ADAMTSL1: variants seen among roughly 807,000 people sequenced by gnomAD.
The protein encoded by ADAMTSL1 is ADAMTS like 1, also known as ADAMTS-like protein 1.
ADAMTSL1 carries 126 observed loss-of-function variants against 201.8 expected under a neutral mutation model. That is an observed-to-expected ratio of 0.62 (90% CI 0.54 to 0.72). The LOEUF (loss-of-function observed/expected upper bound fraction) is 0.72, where lower values mean the gene tolerates loss of function less well. ADAMTSL1 is among the 30% of genes least tolerant of loss of function. ADAMTSL1 has a pLI of 0.00. For synonymous variants in ADAMTSL1, 1,121 were observed against 903.4 expected (o/e 1.24, Z -4.32); for missense variants, 2,679 against 2,277.8 (o/e 1.18, Z -3.59).
chr9:18,870,401 C>A (rs1026431775), intron 23 of ADAMTSL1, among the ~76,000 whole-genome samples: 1 of 152,164 alleles, frequency 6.6e-6, no homozygotes, highest in African/African-American at 2.4e-5. Flanking sequence ...CAAACTCTAG[C>A]CTCTATCTTC....
intron 7 of ADAMTSL1, among the ~76,000 whole-genome samples, chr9:18,641,732 G>A (rs978873721): frequency 3.3e-4 from 50 of 151,952 alleles, no homozygotes; most frequent in African/African-American, 9.4e-4. Context: ...CTAGTACTTC[G>A]TAATGAAACA....
chr9:18,428,376 T>C (rs934079075), intron 2 of ADAMTSL1, among the ~76,000 whole-genome samples: 7 of 150,704 alleles, frequency 4.6e-5, no homozygotes, highest in Non-Finnish European at 1.0e-4. Flanking sequence ...GGTGGGAGGA[T>C]TGCTTGAGGC....
At chr9:18,333,105 G>T (rs2132920190) in intron 2 of ADAMTSL1, among the ~76,000 whole-genome samples, 1 of 152,248 alleles carries the variant, frequency 6.6e-6, no homozygotes, top group East Asian at 1.9e-4. Flanking sequence ...AAAGGATTTG[G>T]TGATCAAGGT....
intron 4 of ADAMTSL1, among the ~76,000 whole-genome samples, chr9:18,617,241 A>G (rs1328522698): frequency 1.3e-5 from 2 of 152,202 alleles, no homozygotes; most frequent in Admixed American, 6.5e-5. Flanking sequence ...CTTATGGATT[A>G]TGTTTATTTA....
At chr9:18,823,681 T>C (rs1205191648) in intron 21 of ADAMTSL1, among the ~76,000 whole-genome samples, 1 of 151,998 alleles carries the variant, frequency 6.6e-6, no homozygotes, top group Non-Finnish European at 1.5e-5. Flanking sequence ...GGAAAGAGGA[T>C]GAATAATGGT....
Position 18,771,705 on chromosome 9 carries a change from C to CTTTTTTT in ADAMTSL1, c.2397+946_2397+952dup, listed in dbSNP as rs374268861. Reference sequence around the variant, plus strand: ...GAATTTGCCTTCCTAACCCCAGTGCCTTTTTTTTTTTTTTTTTTTTTTTTT... The same window carrying CTTTTTTT: ...GAATTTGCCTTCCTAACCCCAGTGCCTTTTTTTTTTTTTTTTTTTTTTTTTTTTTTTT... On this transcript the variant is annotated intron_variant, in intron 17 of 28. Transcript: ENST00000380548. Among the ~76,000 whole-genome samples, 23 of 91,758 alleles carry CTTTTTTT rather than the reference C, an allele frequency of 2.5e-4. 4 individuals carry two copies. Among genetic ancestry groups the CTTTTTTT allele is most frequent in the Admixed American group, 4.4e-4 (3 of 6,836 alleles). The allele number at this position is 91,758 out of a possible 152,430, so 60.2% of individuals were successfully genotyped here. A position where few individuals can be genotyped will look rare whatever the true frequency, so the allele number is the denominator to read the frequency against.
intron 2 of ADAMTSL1, among the ~76,000 whole-genome samples, chr9:18,375,654 C>G (rs1268074624): frequency 6.6e-6 from 1 of 152,302 alleles, no homozygotes. Flanking sequence ...AGTGTTACAG[C>G]TCATAAAGGT....
chr9:18,362,866 A>T (rs1415439507), intron 2 of ADAMTSL1, among the ~76,000 whole-genome samples: 1 of 152,230 alleles, frequency 6.6e-6, no homozygotes, highest in Non-Finnish European at 1.5e-5. Flanking sequence ...ACTTAATTGA[A>T]AGCAACAAAC....
intron 1 of ADAMTSL1, among the ~76,000 whole-genome samples, chr9:18,474,776 C>T (rs908471029): frequency 6.6e-6 from 1 of 152,176 alleles, no homozygotes; most frequent in African/African-American, 2.4e-5. Context: ...GAATGAGAGC[C>T]TCTTTGCAGC....
intron 2 of ADAMTSL1, among the ~76,000 whole-genome samples, chr9:18,269,404 G>T (rs1832268598): frequency 6.6e-6 from 1 of 152,014 alleles, no homozygotes; most frequent in African/African-American, 2.4e-5. Context: ...CTTCTCTCTA[G>T]GTCCTACAAA....
intron 1 of ADAMTSL1, among the ~76,000 whole-genome samples, chr9:17,935,494 A>T (rs1826967002): frequency 6.6e-6 from 1 of 152,116 alleles, no homozygotes; most frequent in Admixed American, 6.6e-5. Flanking sequence ...TGAATATTTA[A>T]CAGGCCTCTT....
chr9:18,543,228 T>C (rs1820262770), intron 3 of ADAMTSL1, among the ~76,000 whole-genome samples: 1 of 152,220 alleles, frequency 6.6e-6, no homozygotes, highest in African/African-American at 2.4e-5. Flanking sequence ...TATAGGACAT[T>C]GTGGTTTGTG....
intron 1 of ADAMTSL1, among the ~76,000 whole-genome samples, chr9:18,504,132 G>A (rs1235560557): frequency 6.6e-6 from 1 of 152,042 alleles, no homozygotes; most frequent in African/African-American, 2.4e-5. Context: ...CAGATAATTT[G>A]TAACTCCAGA....
At chr9:18,901,395 A>G (rs1276903011) in intron 26 of ADAMTSL1, among the ~76,000 whole-genome samples, 1 of 149,960 alleles carries the variant, frequency 6.7e-6, no homozygotes, top group African/African-American at 2.5e-5. Context: ...GGCAGACATT[A>G]AAACCAGTAT....
intron 23 of ADAMTSL1, among the ~76,000 whole-genome samples, chr9:18,852,695 C>A (rs2131376236): frequency 6.6e-6 from 1 of 152,262 alleles, no homozygotes; most frequent in East Asian, 1.9e-4. Context: ...AGAGAATGAA[C>A]TTTGAAATCA....
chr9:18,630,724 T>C (rs1449785191), intron 5 of ADAMTSL1, among the ~76,000 whole-genome samples: 4 of 152,216 alleles, frequency 2.6e-5, no homozygotes, highest in Non-Finnish European at 5.9e-5. Flanking sequence ...TTTGATTGTT[T>C]TAGACAGAAT....
intron 15 of ADAMTSL1, among the ~76,000 whole-genome samples, chr9:18,747,178 C>T (rs866971116): frequency 7.9e-5 from 12 of 152,218 alleles, no homozygotes; most frequent in East Asian, 7.7e-4. Context: ...GGAGCCAGGC[C>T]GCCTAAGTTT....
intron 21 of ADAMTSL1, among the ~76,000 whole-genome samples, chr9:18,819,950 T>G (rs1824108270): frequency 6.6e-6 from 1 of 152,236 alleles, no homozygotes; most frequent in Non-Finnish European, 1.5e-5. Context: ...ACTTTTACTT[T>G]GCTGCTATAA....
intron 23 of ADAMTSL1, among the ~76,000 whole-genome samples, chr9:18,866,088 C>A: frequency 1.1e-5 from 1 of 92,428 alleles, no homozygotes; most frequent in Non-Finnish European, 2.0e-5. Context: ...GTAAATGGCA[C>A]ACAGAGAGAT....
Sources: gnomAD v4.1 joint callset for allele counts (sites outside exome capture counted in the v4.1 genomes callset) on GRCh38, gnomAD v4.1.1 for gene constraint, MANE v1.5 for transcripts, NCBI Gene and HGNC (gene_info 2026-07-23, HGNC 2026-07-21) for gene names.